PCDH15: variants seen among roughly 807,000 people sequenced by gnomAD.
PCDH15 encodes protocadherin related 15.
A neutral mutation model predicts 178.5 loss-of-function variants in PCDH15; 129 were observed. That is an observed-to-expected ratio of 0.72 (90% CI 0.63 to 0.84). The LOEUF is 0.84. Among genes scored for constraint, PCDH15 ranks in the 40% least tolerant of loss-of-function variants. PCDH15 has a pLI of 0.00. For missense variants in PCDH15, 2,230 were observed against 2,099.9 expected, an observed-to-expected ratio of 1.06 and a Z score of -1.21; for synonymous variants, 800 against 732.0, an observed-to-expected ratio of 1.09 and a Z score of -1.50.
chr10:54,480,764 T>G (rs545648655), intron 3 of PCDH15, among the ~76,000 whole-genome samples: 1 of 152,034 alleles, frequency 6.6e-6, no homozygotes, highest in Non-Finnish European at 1.5e-5. Context: ...GGGCAAGTGA[T>G]TGTCAACTTC....
intron 2 of PCDH15, among the ~76,000 whole-genome samples, chr10:54,560,076 G>T (rs1002997438): frequency 1.3e-5 from 2 of 151,960 alleles, no homozygotes; most frequent in East Asian, 3.9e-4. Context: ...GCTGGACATT[G>T]GTTGCCTTGA....
At chr10:54,717,155 C>A (rs1489880938) in intron 1 of PCDH15, among the ~76,000 whole-genome samples, 7 of 134,150 alleles carry the variant, frequency 5.2e-5, no homozygotes, top group Admixed American at 7.6e-5. Context: ...ACCATAAAAA[C>A]CCTAGAAGAA....
chr10:54,130,962 A>C (rs1433562960), intron 15 of PCDH15, among the ~76,000 whole-genome samples: 2 of 152,202 alleles, frequency 1.3e-5, no homozygotes, highest in Non-Finnish European at 2.9e-5. Flanking sequence ...AAGTACCTTC[A>C]TGGTATTACC....
chr10:55,328,661 A>C (rs1395601168), intron 2 of PCDH15, among the ~76,000 whole-genome samples: 1 of 151,436 alleles, frequency 6.6e-6, no homozygotes, highest in Non-Finnish European at 1.5e-5. Flanking sequence ...TGAGGGGAAA[A>C]AAAACCCTGT....
At chr10:54,064,100 A>C (rs530079317) in intron 18 of PCDH15, among the ~76,000 whole-genome samples, 11 of 152,288 alleles carry the variant, frequency 7.2e-5, no homozygotes, top group African/African-American at 2.2e-4. Flanking sequence ...GGAACTTTAC[A>C]AAGCTACAGA....
chr10:54,025,678 TA>T (rs1430340143), intron 18 of PCDH15, among the ~76,000 whole-genome samples: 2 of 152,086 alleles, frequency 1.3e-5, no homozygotes, highest in Non-Finnish European at 2.9e-5. Context: ...TTTGCATTTT[TA>T]GTAGAGACCG....
chr10:53,830,305 G>GAA (rs34416053), intron 30 of PCDH15, among the ~76,000 whole-genome samples: 1 of 140,040 alleles, frequency 7.1e-6, no homozygotes, highest in African/African-American at 2.6e-5. Context: ...CCGTCTCCAG[G>GAA]AAAAAAAAAA....
intron 5 of PCDH15, 53 bp from the exon 6 acceptor site, chr10:54,346,537 C>G: frequency 6.2e-7 from 1 of 1,601,314 alleles, no homozygotes; most frequent in South Asian, 1.1e-5. Flanking sequence ...AACTGCACAC[C>G]AGAAATGTTA....
At chr10:54,569,768 T>C (rs766777215) in intron 2 of PCDH15, among the ~76,000 whole-genome samples, 3 of 152,148 alleles carry the variant, frequency 2.0e-5, no homozygotes, top group African/African-American at 7.2e-5. Flanking sequence ...AAAAAGGGAA[T>C]GAGTTATTCT....
chr10:55,126,899 G>T (rs1216214650), intron 2 of PCDH15, among the ~76,000 whole-genome samples: 1 of 66,068 alleles, frequency 1.5e-5, no homozygotes, highest in Admixed American at 1.8e-4. Context: ...ACATTTTTCT[G>T]GATTTGCAAA....
chr10:54,356,045 T>C (rs1047415580), intron 5 of PCDH15, among the ~76,000 whole-genome samples: 2 of 152,006 alleles, frequency 1.3e-5, no homozygotes, highest in African/African-American at 4.8e-5. Flanking sequence ...CTTAACCTAG[T>C]TCCCCACAAT....
chr10:55,587,430 A>T (rs1434507007), intron 2 of PCDH15, among the ~76,000 whole-genome samples: 12 of 152,138 alleles, frequency 7.9e-5, no homozygotes, highest in South Asian at 6.2e-4. Context: ...TGGTACGGAA[A>T]AATATATATT....
At chr10:54,508,629 A>G (rs2081370147) in intron 3 of PCDH15, among the ~76,000 whole-genome samples, 1 of 152,146 alleles carries the variant, frequency 6.6e-6, no homozygotes, top group South Asian at 2.1e-4. Flanking sequence ...CACTGAAGTG[A>G]AAAACAGAAT....
intron 13 of PCDH15, among the ~76,000 whole-genome samples, chr10:54,180,175 A>G (rs2047852966): frequency 2.0e-5 from 3 of 152,144 alleles, no homozygotes; most frequent in Admixed American, 1.3e-4. Flanking sequence ...TTAAGGCATC[A>G]CTCCTCTAAG....
chr10:55,593,846 G>A (rs892979952), intron 2 of PCDH15, among the ~76,000 whole-genome samples: 1 of 151,706 alleles, frequency 6.6e-6, no homozygotes, highest in African/African-American at 2.4e-5. Context: ...TCATATAATG[G>A]AATTAGGACA....
chr10:54,510,195 A>G (rs1368355607), intron 3 of PCDH15, among the ~76,000 whole-genome samples: 1 of 152,218 alleles, frequency 6.6e-6, no homozygotes, highest in Non-Finnish European at 1.5e-5. Flanking sequence ...GTCTTTATGC[A>G]GAGCCCTAAA....
At chr10:55,520,791 C>T (rs1589106101) in intron 2 of PCDH15, among the ~76,000 whole-genome samples, 1 of 151,706 alleles carries the variant, frequency 6.6e-6, no homozygotes, top group Non-Finnish European at 1.5e-5. Flanking sequence ...CTTCTGTATT[C>T]TTTTCAAGAA....
intron 14 of PCDH15, among the ~76,000 whole-genome samples, chr10:54,137,604 C>T (rs978192902): frequency 1.2e-4 from 19 of 152,108 alleles, no homozygotes; most frequent in African/African-American, 4.3e-4. Context: ...ATGCCAGACC[C>T]GTCATTCATT....
At chr10:54,092,856 G>T (rs893546747) in intron 15 of PCDH15, among the ~76,000 whole-genome samples, 1 of 151,970 alleles carries the variant, frequency 6.6e-6, no homozygotes, top group African/African-American at 2.4e-5. Flanking sequence ...TGTTGTTATA[G>T]ATATGATCAT....
Sources: allele counts gnomAD v4.1 joint callset (sites outside exome capture counted in the v4.1 genomes callset), GRCh38; gene constraint gnomAD v4.1.1; transcripts MANE v1.5; gene names NCBI Gene and HGNC (gene_info 2026-07-23, HGNC 2026-07-21).